Variants in FAAH2 observed in about 807,000 individuals in gnomAD.
FAAH2 encodes fatty acid amide hydrolase 2.
FAAH2 carries 60 observed loss-of-function variants against 36.9 expected under a neutral mutation model. That is an observed-to-expected ratio of 1.63 (90% CI 1.32 to 2.02). The LOEUF (loss-of-function observed/expected upper bound fraction) is 2.02, where lower values mean the gene tolerates loss of function less well. Ranked by LOEUF, FAAH2 falls within the 30% of genes most tolerant of loss-of-function variation. The probability of loss-of-function intolerance (pLI) is 0.00; values close to 1 mark genes in which losing one functional copy is unlikely to be tolerated. For missense variants in FAAH2, 689 were observed against 397.5 expected, an observed-to-expected ratio of 1.73 and a Z score of -6.23; for synonymous variants, 214 against 143.8, an observed-to-expected ratio of 1.49 and a Z score of -3.49.
At chrX:57,354,543 A>T (rs1381078512) in intron 5 of FAAH2, among the ~76,000 whole-genome samples, 3 of 110,415 alleles carry the variant, frequency 2.7e-5, no homozygotes, top group Non-Finnish European at 3.8e-5. Flanking sequence ...ACCTGTGCAT[A>T]TACCAAAACT....
At chrX:57,196,700 G>T in the FAAH2 span, among the ~76,000 whole-genome samples, 1 of 111,901 alleles carries the variant, frequency 8.9e-6, no homozygotes, top group African/African-American at 3.2e-5. Context: ...ATATGCAATA[G>T]ATAGCTTTTA....
At chrX:57,202,568 C>A in the FAAH2 span, among the ~76,000 whole-genome samples, 1 of 111,927 alleles carries the variant, frequency 8.9e-6, no homozygotes, top group Non-Finnish European at 1.9e-5. Context: ...ACCATTAGGA[C>A]TGCATGGGGA....
At chrX:57,337,025 A>G (rs2053568538) in intron 4 of FAAH2, among the ~76,000 whole-genome samples, 1 of 110,682 alleles carries the variant, frequency 9.0e-6, no homozygotes, top group Admixed American at 9.7e-5. Context: ...AGAAGAAAAG[A>G]GAGAATTAAA....
chrX:57,212,002 A>C, the FAAH2 span, among the ~76,000 whole-genome samples: 1 of 111,891 alleles, frequency 8.9e-6, no homozygotes, highest in Non-Finnish European at 1.9e-5. Context: ...TTTGGAGGCC[A>C]AGGCAAGATG....
the FAAH2 span, among the ~76,000 whole-genome samples, chrX:57,261,006 A>G: frequency 1.8e-5 from 2 of 111,836 alleles, no homozygotes; most frequent in Non-Finnish European, 3.8e-5. Flanking sequence ...AAAATTAAAC[A>G]TACATCTACC....
At chrX:57,300,633 C>T (rs949695859) in intron 2 of FAAH2, among the ~76,000 whole-genome samples, 2 of 111,476 alleles carry the variant, frequency 1.8e-5, no homozygotes, top group South Asian at 3.7e-4. Context: ...CTAAAGAGCT[C>T]CTGCACAGCA....
At chrX:57,299,800 T>C (rs1161583026) in intron 2 of FAAH2, among the ~76,000 whole-genome samples, 2 of 111,768 alleles carry the variant, frequency 1.8e-5, no homozygotes, top group Non-Finnish European at 3.8e-5. Context: ...CAAGCATTCT[T>C]ATACACCAAT....
chrX:57,385,636 A>G (rs1222802632), intron 7 of FAAH2, among the ~76,000 whole-genome samples: 1 of 112,170 alleles, frequency 8.9e-6, no homozygotes, highest in Non-Finnish European at 1.9e-5. Flanking sequence ...CCCCCCTCTT[A>G]ATAATAATGC....
chrX:57,130,509 AG>A, the FAAH2 span, among the ~76,000 whole-genome samples: 1 of 112,469 alleles, frequency 8.9e-6, no homozygotes, highest in African/African-American at 3.2e-5. Context: ...CACTATTAAA[AG>A]CTCAGCTATA....
At chrX:57,237,139 C>A in the FAAH2 span, among the ~76,000 whole-genome samples, 1 of 111,311 alleles carries the variant, frequency 9.0e-6, no homozygotes, top group African/African-American at 3.3e-5. Flanking sequence ...GTGTTTTTGG[C>A]AGCTTTGTCA....
Position 57,394,649 on chromosome X carries a change from T to A in FAAH2, c.996+13620T>A, listed in dbSNP as rs369769544. On this transcript the variant is annotated intron_variant, in intron 7 of 10. Coordinates refer to ENST00000374900, the MANE Select transcript of FAAH2 (RefSeq NM_174912.4). Reference sequence around the variant, plus strand: ...GCCACCAGGAACGGGCCTCGTCGTATGCCACATCACCCACAACTTTTCTCC... The same window carrying A: ...GCCACCAGGAACGGGCCTCGTCGTAAGCCACATCACCCACAACTTTTCTCC... 2.1e-5 allele frequency: 21 copies of A among 979,062 alleles called. No individual in the cohort carries two copies. The African/African-American group carries it at 3.4e-4, about 16-fold the overall frequency. The allele number at this position is 979,062 out of a possible 1,213,427, so 80.7% of individuals were successfully genotyped here. A position where few individuals can be genotyped will look rare whatever the true frequency, so the allele number is the denominator to read the frequency against.
At chrX:57,207,877 G>A in the FAAH2 span, among the ~76,000 whole-genome samples, 1,158 of 112,995 alleles carry the variant, frequency 0.01, 16 homozygotes, top group African/African-American at 0.036. Context: ...TGTGTCAGGG[G>A]ACAGACATTG....
At chrX:57,230,228 T>G in the FAAH2 span, among the ~76,000 whole-genome samples, 2 of 112,292 alleles carry the variant, frequency 1.8e-5, no homozygotes. Flanking sequence ...GTGTTCTTAC[T>G]TCTTCACTCT....
intron 3 of FAAH2, among the ~76,000 whole-genome samples, chrX:57,327,958 C>T (rs1269751673): frequency 9.0e-6 from 1 of 111,350 alleles, no homozygotes. Flanking sequence ...GTTTTTTCCC[C>T]ATCTTTGTGG....
At chrX:57,145,908 T>C in the FAAH2 span, among the ~76,000 whole-genome samples, 1 of 111,870 alleles carries the variant, frequency 8.9e-6, no homozygotes, top group Non-Finnish European at 1.9e-5. Context: ...TTCTGTTCCA[T>C]TGGTCTATGT....
Position 57,414,581 on chromosome X carries a change from G to C in FAAH2, c.997-17337G>C, listed in dbSNP as rs1419436981. 2.7e-5 allele frequency among the ~76,000 whole-genome samples: 3 copies of C among 111,431 alleles called. No homozygotes were observed. The Admixed American group carries it at 2.9e-4, about 11-fold the overall frequency. ...GGGATGAAGCTGACTTGATTGTGGT[G>C]GATAAGCTTTTTGATTCGCTACTGG... On this transcript the variant is annotated intron_variant, in intron 7 of 10. Transcript: ENST00000374900.
At chrX:57,476,684 G>A (rs1324231130) in intron 10 of FAAH2, among the ~76,000 whole-genome samples, 1 of 111,272 alleles carries the variant, frequency 9.0e-6, no homozygotes, top group Non-Finnish European at 1.9e-5. Context: ...TTGTTATCAG[G>A]AAGATGCTGG....
At chrX:57,274,943 T>C in the FAAH2 span, among the ~76,000 whole-genome samples, 23 of 111,984 alleles carry the variant, frequency 2.1e-4, no homozygotes, top group African/African-American at 7.1e-4. Flanking sequence ...TGTATTCAGA[T>C]ATGAAGAGAG....
chrX:57,252,178 C>T, the FAAH2 span, among the ~76,000 whole-genome samples: 1 of 112,455 alleles, frequency 8.9e-6, no homozygotes, highest in Non-Finnish European at 1.9e-5. Context: ...GGGGCGTCTG[C>T]CATTGCTGAG....
Sources: allele counts gnomAD v4.1 joint callset (sites outside exome capture counted in the v4.1 genomes callset), GRCh38; gene constraint gnomAD v4.1.1; transcripts MANE v1.5; gene names NCBI Gene and HGNC (gene_info 2026-07-23, HGNC 2026-07-21).